TBC1D2B: variants seen among roughly 807,000 people sequenced by gnomAD.
TBC1D2B encodes the protein TBC1 domain family, member 2B.
A neutral mutation model predicts 100.8 loss-of-function variants in TBC1D2B; 64 were observed. The ratio of observed to expected loss-of-function variants is 0.64; its 90% CI spans 0.52 to 0.78. The LOEUF is 0.78. Ranked by LOEUF, TBC1D2B falls within the 30% of genes least tolerant of loss-of-function variation. TBC1D2B has a pLI of 0.00. For synonymous variants in TBC1D2B, 480 were observed against 479.7 expected, an observed-to-expected ratio of 1.00 and a Z score of -0.01; for missense variants, 1,052 against 1,218.4, an observed-to-expected ratio of 0.86 and a Z score of 2.03.
In TBC1D2B at chr15:78,016,409, G is replaced by A. The variant is rs766736596; in HGVS notation, c.1775+137C>T. Reference sequence around the variant, plus strand: ...GGGAGAATGAAGACATTACCGTTCTGCTGACCTGACAGCATTTGTCATGAG... The same window carrying A: ...GGGAGAATGAAGACATTACCGTTCTACTGACCTGACAGCATTTGTCATGAG... On this transcript the variant is annotated intron_variant, in intron 8 of 12. Coordinates refer to ENST00000300584, the MANE Select transcript of TBC1D2B (RefSeq NM_144572.2). 7.5e-4 allele frequency: 581 copies of A among 769,716 alleles called. 3 individuals are homozygous for A. The highest frequency in any genetic ancestry group is 1.3e-3 in the Admixed American group (50 of 37,806). 47.7% of individuals were successfully genotyped at this position (769,716 alleles called of 1,614,324 possible).
Position 77,995,634 on chromosome 15 carries a change from A to T in TBC1D2B, c.*2526T>A, listed in dbSNP as rs994500909. On this transcript the variant is annotated 3_prime_UTR_variant, in exon 13 of 13. Transcript: ENST00000300584. ...AATATAAACTGTAGTGAGAGTGTAC[A>T]AAAGTATTAACAGAGGTTCAACCCA... The T allele has an allele frequency of 6.6e-6, 1 of 152,510 alleles. No individual in the cohort carries two copies. Among genetic ancestry groups the T allele is most frequent in the Admixed American group, 6.6e-5 (1 of 15,260 alleles). 9.4% of individuals were successfully genotyped at this position (152,510 alleles called of 1,614,324 possible).
chr15:78,057,741 T>C (rs945302176), intron 1 of TBC1D2B, among the ~76,000 whole-genome samples: 1 of 152,236 alleles, frequency 6.6e-6, no homozygotes, highest in Non-Finnish European at 1.5e-5. Flanking sequence ...GAAATGGCTC[T>C]GGGGCATGTG....
At chr15:78,059,743 T>A (rs2073504581) in intron 1 of TBC1D2B, among the ~76,000 whole-genome samples, 1 of 152,106 alleles carries the variant, frequency 6.6e-6, no homozygotes, top group South Asian at 2.1e-4. Flanking sequence ...CACCTGTTCC[T>A]CCTCTTGGGC....
chr15:78,049,385 G>T (rs1235218378), intron 2 of TBC1D2B, among the ~76,000 whole-genome samples: 1 of 152,162 alleles, frequency 6.6e-6, no homozygotes, highest in Non-Finnish European at 1.5e-5. Flanking sequence ...TAAAAGACAA[G>T]AACTTGCTAA....
At position 78,040,014 on chromosome 15, in the gene TBC1D2B, A is replaced by G. The variant is rs541375350; in HGVS notation, c.683+4886T>C. ...CGCACAGTCCAGGCCACAAAGCCAC[A>G]GAACTTTGCTGACTGCTGTCAGCGC... On this transcript the variant is annotated intron_variant, in intron 3 of 12. Transcript: ENST00000300584. Among the ~76,000 whole-genome samples the G allele has an allele frequency of 2.3e-4, 35 of 152,364 alleles. 3 individuals carry two copies. The South Asian group carries it at 7.0e-3, about 31-fold the overall frequency.
At chr15:78,007,826 C>T (rs1014872197) in intron 10 of TBC1D2B, among the ~76,000 whole-genome samples, 6 of 152,192 alleles carry the variant, frequency 3.9e-5, no homozygotes, top group Admixed American at 3.3e-4. Context: ...AGGAGCTGGG[C>T]ACAGAGGAGA....
intron 3 of TBC1D2B, among the ~76,000 whole-genome samples, chr15:78,032,162 G>A (rs1056829790): frequency 3.1e-4 from 47 of 152,212 alleles, no homozygotes; most frequent in African/African-American, 1.0e-3. Context: ...AACCAACTGA[G>A]AGAAGCAAAG....
At chr15:78,047,980 G>T (rs1742949274) in intron 2 of TBC1D2B, among the ~76,000 whole-genome samples, 1 of 152,178 alleles carries the variant, frequency 6.6e-6, no homozygotes, top group African/African-American at 2.4e-5. Flanking sequence ...TCTGTTACAG[G>T]CTGAGTCCAG....
intron 1 of TBC1D2B, among the ~76,000 whole-genome samples, chr15:78,072,839 CAG>C (rs1457710727): frequency 6.6e-6 from 1 of 152,210 alleles, no homozygotes; most frequent in Non-Finnish European, 1.5e-5. Flanking sequence ...CCCCTACACA[CAG>C]AGAGAGACGC....
chr15:78,008,979 C>CA lies in TBC1D2B; in HGVS notation c.2388+17dup, dbSNP rs1567013855. On this transcript the variant is annotated intron_variant, in intron 10 of 12. Coordinates refer to ENST00000300584, the MANE Select transcript of TBC1D2B (RefSeq NM_144572.2). Reference sequence around the variant, plus strand: ...AATTCTAAAAGTGGTGACTAAAACACAGAATTTTCAGAACTACCTGGGATC... The same window carrying CA: ...AATTCTAAAAGTGGTGACTAAAACACAAGAATTTTCAGAACTACCTGGGATC... 1 of 1,534,112 alleles carries CA rather than the reference C, an allele frequency of 6.5e-7. No homozygotes were observed.
chr15:78,043,679 G>A (rs907566712), intron 3 of TBC1D2B, among the ~76,000 whole-genome samples: 7 of 152,216 alleles, frequency 4.6e-5, no homozygotes, highest in Admixed American at 2.0e-4. Flanking sequence ...TTATGCTAAC[G>A]GAAAGAAGCC....
intron 8 of TBC1D2B, 112 bp downstream of exon 8, chr15:78,016,434 G>T: frequency 1.0e-6 from 1 of 980,480 alleles, no homozygotes; most frequent in Non-Finnish European, 1.5e-6. Context: ...TTTGTCATGA[G>T]CACCAAATGA....
At chr15:78,004,491 A>T (rs1053011948) in intron 10 of TBC1D2B, among the ~76,000 whole-genome samples, 6 of 152,244 alleles carry the variant, frequency 3.9e-5, no homozygotes, top group Non-Finnish European at 5.9e-5. Context: ...TCAAGACGCT[A>T]TCCTGTCAGC....
chr15:77,995,015 T>C lies in TBC1D2B; in HGVS notation c.*3145A>G, dbSNP rs1481813480. 2.0e-5 allele frequency: 3 copies of C among 152,256 alleles called. No homozygotes were observed. The highest frequency in any genetic ancestry group is 6.5e-5 in the Admixed American group (1 of 15,294). 9.4% of individuals were successfully genotyped at this position (152,256 alleles called of 1,614,324 possible). A position where few individuals can be genotyped will look rare whatever the true frequency, so the allele number is the denominator to read the frequency against. ...TACAAATTAGTAGTTTATTTCTTCC[T>C]TTAGTATTACAGTTCCAAAACGTAA... On this transcript the variant is annotated 3_prime_UTR_variant, in exon 13 of 13. Coordinates refer to ENST00000300584, the MANE Select transcript of TBC1D2B (RefSeq NM_144572.2).
intron 3 of TBC1D2B, among the ~76,000 whole-genome samples, chr15:78,037,813 G>A (rs1345211772): frequency 6.6e-6 from 1 of 152,190 alleles, no homozygotes; most frequent in Non-Finnish European, 1.5e-5. Flanking sequence ...TTTACTACAT[G>A]TAGCAGTGGA....
chr15:78,046,811 A>C (rs1291839251), intron 2 of TBC1D2B, among the ~76,000 whole-genome samples: 1 of 152,164 alleles, frequency 6.6e-6, no homozygotes. Context: ...ACACAATCAG[A>C]GTCAGCAAGA....
chr15:78,024,303 T>G lies in TBC1D2B; in HGVS notation c.1323A>C (p.Gly441=). Residue 441 remains glycine (G), a synonymous_variant, in exon 6 of 13, where the codon GGA becomes GGC. Transcript: ENST00000300584. ...TGGCTTGGATGGTCTCCATGAGCATTCCCAGCTGCTCGTTGAGCTCGCCCA... is the reference window on the plus strand; with the variant it reads ...TGGCTTGGATGGTCTCCATGAGCATGCCCAGCTGCTCGTTGAGCTCGCCCA... ...SKVGELNEQL[G]MLMETIQAKD... The G allele has an allele frequency of 6.2e-7, 1 of 1,614,032 alleles. No individual in the cohort carries two copies.
chr15:78,041,025 A>G (rs1329396398), intron 3 of TBC1D2B, among the ~76,000 whole-genome samples: 1 of 152,132 alleles, frequency 6.6e-6, no homozygotes, highest in African/African-American at 2.4e-5. Context: ...AACTTTCCCA[A>G]TTTTGTTTGT....
At chr15:78,001,484 G>A in intron 12 of TBC1D2B, 135 bp downstream of exon 12, 1 of 1,114,830 alleles carries the variant, frequency 9.0e-7, no homozygotes, top group East Asian at 3.0e-5. Flanking sequence ...CTTTTCCCTG[G>A]AAAGCAATGC....
Sources: gnomAD v4.1 joint callset for allele counts (sites outside exome capture counted in the v4.1 genomes callset) on GRCh38, gnomAD v4.1.1 for gene constraint, MANE v1.5 for transcripts, NCBI Gene and HGNC (gene_info 2026-07-23, HGNC 2026-07-21) for gene names.